KLHL11: variants seen among roughly 807,000 people sequenced by gnomAD.
The protein encoded by KLHL11 is kelch-like protein 11.
KLHL11 carries 26 observed loss-of-function variants against 56.1 expected under a neutral mutation model. That is an observed-to-expected ratio of 0.46 (90% CI 0.34 to 0.64). The LOEUF is 0.64. Ranked by LOEUF, KLHL11 falls within the 30% of genes least tolerant of loss-of-function variation. The pLI, the probability that KLHL11 is intolerant of heterozygous loss-of-function variation, is 0.01. For synonymous variants in KLHL11, 338 were observed against 345.8 expected (o/e 0.98, Z 0.25); for missense variants, 627 against 919.4 (o/e 0.68, Z 4.11).
Position 41,865,348 on chromosome 17 carries a change from G to GCCGCCA in KLHL11, c.17_22dup (p.Val6_Ala7dup). The GCCGCCA allele has an allele frequency of 6.9e-7, 1 of 1,440,698 alleles. No homozygotes were observed. The highest frequency in any genetic ancestry group is 9.0e-7 in the Non-Finnish European group (1 of 1,110,010). The allele number at this position is 1,440,698 out of a possible 1,614,324, so 89.2% of individuals were successfully genotyped here. On this transcript the variant is annotated inframe_insertion, in exon 1 of 2. Transcript: ENST00000319121. ...TGCAGCCGCGGCCGCCGCCGCCGCC[G>GCCGCCA]CCGCCACTGCCGCAGCCGCCATCTT...
chr17:41,864,999 G>C lies in KLHL11; in HGVS notation c.372C>G (p.Pro124=). ...ACTCGGAAAACTGGCCCGAGAGCAG[G>C]GGCGTGAAGTACTCGGTGGCGGCAG... ...VLAAATEYFT[P]LLSGQFSESR... Residue 124 remains proline, a synonymous_variant, in exon 1 of 2, where the codon CCC becomes CCG. Coordinates refer to ENST00000319121, the MANE Select transcript of KLHL11 (RefSeq NM_018143.3). The C allele has an allele frequency of 6.2e-7, 1 of 1,606,206 alleles. No homozygotes were observed. The highest frequency in any genetic ancestry group is 1.1e-5 in the South Asian group (1 of 90,078).
At position 41,848,558 on chromosome 17, in the gene KLHL11, T is replaced by C. The variant is rs2048313554; in HGVS notation, c.*5182A>G. 1.2e-5 allele frequency: 5 copies of C among 421,936 alleles called. No homozygotes were observed. In the South Asian group the frequency reaches 1.2e-4, roughly 10 times the overall value. 26.1% of individuals were successfully genotyped at this position (421,936 alleles called of 1,614,324 possible). ...TTATTTAAAACTTACACTGAGACAA[T>C]TAGTAGCTTTAACAGAGAACAAGAT... is the stretch of plus-strand genomic sequence containing the variant. On this transcript the variant is annotated 3_prime_UTR_variant, in exon 2 of 2. Transcript: ENST00000319121.
At chr17:41,855,573 T>C (rs1361495160) in intron 1 of KLHL11, among the ~76,000 whole-genome samples, 1 of 152,194 alleles carries the variant, frequency 6.6e-6, no homozygotes, top group Non-Finnish European at 1.5e-5. Context: ...TTTCACCATA[T>C]TGGCCAGGCT....
At position 41,853,355 on chromosome 17, in the gene KLHL11, T is replaced by A. The variant is rs1349554790; in HGVS notation, c.*385A>T. Among the ~76,000 whole-genome samples the A allele has an allele frequency of 3.3e-5, 5 of 152,110 alleles. No individual in the cohort carries two copies. On this transcript the variant is annotated 3_prime_UTR_variant, in exon 2 of 2. Transcript: ENST00000319121. ...CCAAAACCAATCATTTAATAAAAAA[T>A]GAAAAAGAATATCAAAGTAAATGTG...
rs568603724 is a variant in KLHL11, at chr17:41,860,928, T to G, written c.545+3898A>C. 5.9e-5 allele frequency among the ~76,000 whole-genome samples: 9 copies of G among 152,294 alleles called. No homozygotes were observed. In the South Asian group the frequency reaches 1.9e-3, roughly 32 times the overall value. ...TTCAGAGGGGCCGAAACCACAGGAA[T>G]AGCTTTGAAGAGCTGTCTTTTGTGG... On this transcript the variant is annotated intron_variant, in intron 1 of 1. Coordinates refer to ENST00000319121, the MANE Select transcript of KLHL11 (RefSeq NM_018143.3).
At chr17:41,857,850 C>T (rs2048375822) in intron 1 of KLHL11, among the ~76,000 whole-genome samples, 1 of 152,024 alleles carries the variant, frequency 6.6e-6, no homozygotes, top group South Asian at 2.1e-4. Flanking sequence ...GTGTTTCACT[C>T]TTGCTGCCCA....
intron 1 of KLHL11, among the ~76,000 whole-genome samples, chr17:41,861,686 C>CTAAAAAA (rs2048403964): frequency 1.6e-5 from 1 of 61,870 alleles, no homozygotes; most frequent in Non-Finnish European, 2.9e-5. Context: ...ACTCTTGTCT[C>CTAAAAAA]AAAAAAAAAA....
At position 41,854,372 on chromosome 17, in the gene KLHL11, T is replaced by C. The variant is rs1597946414; in HGVS notation, c.1495A>G (p.Ile499Val). 3 of 1,614,200 alleles carry C rather than the reference T, an allele frequency of 1.9e-6. No homozygotes were observed. The highest frequency in any genetic ancestry group is 1.7e-6 in the Non-Finnish European group (2 of 1,180,040). The change falls in exon 2 of 2, where the codon ATT becomes GTT. Residue 499 changes from isoleucine to valine, a missense_variant. By Grantham distance (29) the Ile-to-Val change is conservative. Coordinates refer to ENST00000319121, the MANE Select transcript of KLHL11 (RefSeq NM_018143.3). The surrounding 1 kb of genome is among the most constrained non-coding windows in gnomAD (Gnocchi z 4.9). ...GCAATGTATACAAACCGGTCTTCAA[T>C]GGCTAGTGCTTTGACATCTCGAAGA... ...KILRDVKALA[I>V]EDRFVYIAAR... is the part of the protein sequence containing the mutation.
In KLHL11 at chr17:41,853,971, G is replaced by T; in HGVS notation, c.1896C>A (p.Tyr632Ter). 6.2e-7 allele frequency: 1 copy of T among 1,614,122 alleles called. No homozygotes were observed. The highest frequency in any genetic ancestry group is 8.5e-7 in the Non-Finnish European group (1 of 1,180,012). The change falls in exon 2 of 2, where the codon TAC (tyrosine) becomes TAA (stop). Residue 632 changes from tyrosine (Y) to a stop codon, truncating the protein, a stop_gained. Coordinates refer to ENST00000319121, the MANE Select transcript of KLHL11 (RefSeq NM_018143.3). LOFTEE classifies it high-confidence loss of function. ...ACCTCTTCCTCTCCGCACAATATCG[G>T]TAGGCTTCTTTCCGATACTGTTTAT... Reference protein sequence around the residue: ...DIDKQYRKEAYRYCAERKRWM... With the variant: ...DIDKQYRKEA
At position 41,854,236 on chromosome 17, in the gene KLHL11, T is replaced by C; in HGVS notation, c.1631A>G (p.Asp544Gly). The C allele has an allele frequency of 6.2e-7, 1 of 1,614,188 alleles. No individual in the cohort carries two copies. The highest frequency in any genetic ancestry group is 8.5e-7 in the Non-Finnish European group (1 of 1,180,026). The change falls in exon 2 of 2, where the codon GAC (aspartate) becomes GGC (glycine). Residue 544 changes from aspartate to glycine, a missense_variant. Physicochemically the swap from Asp to Gly is moderately conservative, Grantham distance 94. Around this residue, in one of 4 missense-constraint regions of KLHL11, gnomAD observed 250 missense variants for 360.6 expected, o/e 0.69. Transcript: ENST00000319121. The surrounding 1 kb of genome is among the most constrained non-coding windows in gnomAD (Gnocchi z 4.9). ...WQDVESLPLI[D>G]NYCFFQMSVV... is the part of the protein sequence containing the mutation. ...AGACATTTGGAAAAAGCAGTAATTG[T>C]CAATAAGCGGCAAAGATTCCACATC...
intron 1 of KLHL11, among the ~76,000 whole-genome samples, chr17:41,861,290 A>G (rs527644475): frequency 5.9e-5 from 9 of 152,340 alleles, no homozygotes; most frequent in Non-Finnish European, 1.0e-4. Flanking sequence ...AGGATGGTAT[A>G]AAAACTTCAG....
chr17:41,855,349 A>C, intron 1 of KLHL11, 28 bp from the exon 2 acceptor site: 1 of 1,475,318 alleles, frequency 6.8e-7, no homozygotes, highest in East Asian at 2.3e-5. Context: ...AGAAAAGATT[A>C]ATTTTTCAAA....
intron 1 of KLHL11, among the ~76,000 whole-genome samples, chr17:41,861,491 G>C (rs1162765341): frequency 1.2e-4 from 18 of 151,998 alleles, no homozygotes; most frequent in African/African-American, 4.1e-4. Context: ...TTCGAGACCA[G>C]CCTGGCCGAT....
chr17:41,855,181 C>T lies in KLHL11; in HGVS notation c.686G>A (p.Arg229Gln), dbSNP rs1259507815. 10 of 1,613,988 alleles carry T rather than the reference C, an allele frequency of 6.2e-6. No individual in the cohort carries two copies. The highest frequency in any genetic ancestry group is 2.2e-5 in the East Asian group (1 of 44,896). The change falls in exon 2 of 2, where the codon CGG becomes CAG. Residue 229 changes from arginine (R) to glutamine (Q), a missense_variant. By Grantham distance (43) the Arg-to-Gln change is conservative. Around this residue, in one of 4 missense-constraint regions of KLHL11, gnomAD observed 150 missense variants for 215.7 expected, o/e 0.70. Coordinates refer to ENST00000319121, the MANE Select transcript of KLHL11 (RefSeq NM_018143.3). Reference sequence around the variant, plus strand: ...CTGAATCACTTTGTGGAAATTTCTCCGTATCATATCAGCAGCCTTCAGAGC... The same window carrying T: ...CTGAATCACTTTGTGGAAATTTCTCTGTATCATATCAGCAGCCTTCAGAGC... The part of the protein sequence containing the change: ...QLALKAADMI[R>Q]RNFHKVIQDE...
chr17:41,854,126 C>T lies in KLHL11; in HGVS notation c.1741G>A (p.Ala581Thr). 1 of 1,614,166 alleles carries T rather than the reference C, an allele frequency of 6.2e-7. No individual in the cohort carries two copies. The highest frequency in any genetic ancestry group is 8.5e-7 in the Non-Finnish European group (1 of 1,180,008). ...AGGATCTCATCAGACACTTGGCTGG[C>T]AATTTTTCTTACTGCCTCTTCGTTT... ...LENEEAVRKI[A>T]SQVSDEILES... The change falls in exon 2 of 2, where the codon GCC becomes ACC. Residue 581 changes from alanine (A) to threonine (T), a missense_variant. Physicochemically the swap from Ala to Thr is moderately conservative, Grantham distance 58. This residue lies in a region of KLHL11 where 250 missense variants were observed against 360.6 expected (regional missense o/e 0.69). Transcript: ENST00000319121. This position sits in a 1 kb window ranked among gnomAD's most constrained non-coding sequence, Gnocchi z 4.9.
Position 41,865,194 on chromosome 17 carries a change from C to A in KLHL11, c.177G>T (p.Ala59=). The A allele has an allele frequency of 6.2e-7, 1 of 1,608,962 alleles. No individual in the cohort carries two copies. The part of the protein sequence containing the change: ...GPGPGISAME[A]SGGDPGPEAE... ...CTTCTGGGCCCGGATCGCCCCCGCT[C>A]GCCTCCATTGCAGAGATCCCCGGCC... Residue 59 remains alanine (A), a synonymous_variant, in exon 1 of 2, where the codon GCG becomes GCT. Transcript: ENST00000319121.
At chr17:41,858,218 C>CTTTTTTT (rs1174225045) in intron 1 of KLHL11, among the ~76,000 whole-genome samples, 3 of 116,406 alleles carry the variant, frequency 2.6e-5, no homozygotes, top group Admixed American at 9.4e-5. Context: ...TCACCAGCCT[C>CTTTTTTT]TTTTTTTTTT....
At position 41,850,611 on chromosome 17, in the gene KLHL11, G is replaced by A. The variant is rs2048327418; in HGVS notation, c.*3129C>T. On this transcript the variant is annotated 3_prime_UTR_variant, in exon 2 of 2. Coordinates refer to ENST00000319121, the MANE Select transcript of KLHL11 (RefSeq NM_018143.3). ...CGAAGTTTGCTAGCACAGTCTGTTG[G>A]AGAGAAATGAGAACTTCATTTAGTG... 6.6e-6 allele frequency: 1 copy of A among 152,174 alleles called. No individual in the cohort carries two copies. Among genetic ancestry groups the A allele is most frequent in the Admixed American group, 6.5e-5 (1 of 15,272 alleles). 9.4% of individuals were successfully genotyped at this position (152,174 alleles called of 1,614,324 possible).
intron 1 of KLHL11, among the ~76,000 whole-genome samples, chr17:41,858,272 G>C (rs1555622731): frequency 6.9e-6 from 1 of 144,926 alleles, no homozygotes; most frequent in East Asian, 2.0e-4. Flanking sequence ...CGTTACCCAG[G>C]CTGGAGTGCA....
Sources: allele counts gnomAD v4.1 joint callset (sites outside exome capture counted in the v4.1 genomes callset), GRCh38; gene constraint gnomAD v4.1.1; regional missense constraint gnomAD v4.1.1; non-coding constraint Gnocchi (gnomAD v3.1); transcripts MANE v1.5; gene names NCBI Gene and HGNC (gene_info 2026-07-23, HGNC 2026-07-21).